The following PCDHGB1 variants were observed in gnomAD, a reference collection of about 807,000 sequenced individuals.
The protein encoded by PCDHGB1 is protocadherin gamma subfamily B, 1.
PCDHGB1 carries 34 observed loss-of-function variants against 56.6 expected under a neutral mutation model. That is an observed-to-expected ratio of 0.60 (90% CI 0.46 to 0.80). The LOEUF (loss-of-function observed/expected upper bound fraction) is 0.80. Ranked by LOEUF, PCDHGB1 falls within the 30% of genes least tolerant of loss-of-function variation. The pLI, the probability that PCDHGB1 is intolerant of heterozygous loss-of-function variation, is 0.00. For missense variants in PCDHGB1, 1,278 were observed against 1,204.6 expected, an observed-to-expected ratio of 1.06 and a Z score of -0.90; for synonymous variants, 561 against 505.9, an observed-to-expected ratio of 1.11 and a Z score of -1.46.
At chr5:141,469,700 T>TA (rs1483261429) in intron 1 of PCDHGB1, among the ~76,000 whole-genome samples, 1 of 152,272 alleles carries the variant, frequency 6.6e-6, no homozygotes, top group African/African-American at 2.4e-5. Context: ...TATGACCTAG[T>TA]AATCACACTA....
chr5:141,478,668 T>G (rs1411369994), intron 1 of PCDHGB1: 40 of 1,551,660 alleles, frequency 2.6e-5, no homozygotes, highest in Non-Finnish European at 3.4e-5. Flanking sequence ...CATTCACACT[T>G]TCAACTGGCC....
Position 141,432,465 on chromosome 5 carries a change from C to T in PCDHGB1, c.2410-62342C>T. 3 of 1,614,222 alleles carry T rather than the reference C, an allele frequency of 1.9e-6. No individual in the cohort carries two copies. The highest frequency in any genetic ancestry group is 2.5e-6 in the Non-Finnish European group (3 of 1,180,050). On this transcript the variant is annotated intron_variant, in intron 1 of 3. Transcript: ENST00000523390. This position sits in a 1 kb window ranked among gnomAD's most constrained non-coding sequence, Gnocchi z 6.0. The stretch of plus-strand genomic sequence containing the variant: ...GAGATCCTGTACCCCGCCCTCCCCA[C>T]GGACGGTTCCACTGGCGTGGAGCTG...
At chr5:141,403,895 T>G in intron 1 of PCDHGB1, 1 of 1,613,884 alleles carries the variant, frequency 6.2e-7, no homozygotes, top group Non-Finnish European at 8.5e-7. Context: ...ATGTTCATTT[T>G]ATGAAATGGA....
intron 1 of PCDHGB1, chr5:141,356,524 G>A: frequency 6.2e-7 from 1 of 1,614,098 alleles, no homozygotes; most frequent in South Asian, 1.1e-5. Flanking sequence ...TTCACTGCAA[G>A]TGATGGACAT....
chr5:141,494,926 G>T, intron 2 of PCDHGB1, 61 bp downstream of exon 2: 1 of 1,613,498 alleles, frequency 6.2e-7, no homozygotes, highest in Non-Finnish European at 8.5e-7. Flanking sequence ...GGATGACGTG[G>T]GAGGAGATGG....
chr5:141,454,618 C>T (rs1259161504), intron 1 of PCDHGB1, among the ~76,000 whole-genome samples: 1 of 151,470 alleles, frequency 6.6e-6, no homozygotes, highest in Non-Finnish European at 1.5e-5. Flanking sequence ...GTTGGTCAGG[C>T]TGGTCTCGAA....
intron 1 of PCDHGB1, chr5:141,383,187 C>T (rs572411306): frequency 6.2e-7 from 1 of 1,614,076 alleles, no homozygotes; most frequent in Non-Finnish European, 8.5e-7. Flanking sequence ...AAGAGATCTG[C>T]GCTCAGAGTG....
intron 1 of PCDHGB1, among the ~76,000 whole-genome samples, chr5:141,473,611 G>C (rs2099325261): frequency 6.6e-6 from 1 of 152,140 alleles, no homozygotes; most frequent in Non-Finnish European, 1.5e-5. Context: ...GCAAAGCAAA[G>C]GGAGGGAGGA....
Position 141,485,597 on chromosome 5 carries a change from A to G in PCDHGB1, c.2410-9210A>G. On this transcript the variant is annotated intron_variant, in intron 1 of 3. Coordinates refer to ENST00000523390, the MANE Select transcript of PCDHGB1 (RefSeq NM_018922.3). This position sits in a 1 kb window ranked among gnomAD's most constrained non-coding sequence, Gnocchi z 5.7. ...TCCGCGGCAGCAGCTGGACTTGGAA[A>G]TTGGGGAGGCAGCTCCTCCAGGACA... The G allele has an allele frequency of 6.2e-7, 1 of 1,612,468 alleles. No homozygotes were observed. The highest frequency in any genetic ancestry group is 8.5e-7 in the Non-Finnish European group (1 of 1,178,718).
chr5:141,374,078 C>T, intron 1 of PCDHGB1: 1 of 1,516,122 alleles, frequency 6.6e-7, no homozygotes, highest in Non-Finnish European at 8.8e-7. Flanking sequence ...TCCTAATAAG[C>T]CAGTAATGGC....
rs546603908 is a variant in PCDHGB1, at chr5:141,408,104, C to G, written c.2409+55435C>G. ...ACAGCGGATTGCCAGCTCCGAGACCCGGGACTCCTCCTGTCCTGGGCCGAA... is the reference window on the plus strand; with the variant it reads ...ACAGCGGATTGCCAGCTCCGAGACCGGGGACTCCTCCTGTCCTGGGCCGAA... On this transcript the variant is annotated intron_variant, in intron 1 of 3. Coordinates refer to ENST00000523390, the MANE Select transcript of PCDHGB1 (RefSeq NM_018922.3). The G allele has an allele frequency of 2.8e-3, 4,048 of 1,441,886 alleles. 13 individuals carry two copies. Among genetic ancestry groups the G allele is most frequent in the Admixed American group, 6.6e-3 (242 of 36,606 alleles). 89.3% of individuals were successfully genotyped at this position (1,441,886 alleles called of 1,614,324 possible). A position where few individuals can be genotyped will look rare whatever the true frequency, so the allele number is the denominator to read the frequency against.
intron 1 of PCDHGB1, chr5:141,365,756 G>C: frequency 6.2e-7 from 1 of 1,613,776 alleles, no homozygotes; most frequent in Non-Finnish European, 8.5e-7. Context: ...CTCTGTGACA[G>C]CCCATGACCC....
chr5:141,487,671 G>A lies in PCDHGB1; in HGVS notation c.2410-7136G>A. The A allele has an allele frequency of 6.2e-7, 1 of 1,612,012 alleles. No homozygotes were observed. The highest frequency in any genetic ancestry group is 8.5e-7 in the Non-Finnish European group (1 of 1,178,932). ...GAGGGTTATTCTGATCCAGGCATAT[G>A]GCTAGGCCATGTCCTAGAGAGTACT... On this transcript the variant is annotated intron_variant, in intron 1 of 3. Transcript: ENST00000523390. This position sits in a 1 kb window ranked among gnomAD's most constrained non-coding sequence, Gnocchi z 5.0.
intron 1 of PCDHGB1, chr5:141,385,218 C>G (rs765263628): frequency 6.2e-7 from 1 of 1,614,234 alleles, no homozygotes; most frequent in South Asian, 1.1e-5. Flanking sequence ...TCCCCCAGCC[C>G]AACTATGTAG....
intron 1 of PCDHGB1, among the ~76,000 whole-genome samples, chr5:141,397,773 T>C (rs2093568087): frequency 1.3e-5 from 2 of 152,218 alleles, no homozygotes; most frequent in African/African-American, 2.4e-5. Context: ...ATTAAGTATA[T>C]GGACGTAAAA....
chr5:141,398,189 T>G (rs926901002), intron 1 of PCDHGB1: 3 of 1,482,238 alleles, frequency 2.0e-6, no homozygotes, highest in Middle Eastern at 2.3e-4. Context: ...TTTCTCTTCC[T>G]GCTGTCTTTG....
intron 1 of PCDHGB1, chr5:141,362,184 C>G: frequency 1.2e-6 from 2 of 1,614,058 alleles, no homozygotes; most frequent in Non-Finnish European, 1.7e-6. Flanking sequence ...AGCCCTCTGA[C>G]CCCCAGGCAA....
intron 1 of PCDHGB1, chr5:141,442,535 A>C (rs2098331560): frequency 6.6e-6 from 1 of 152,240 alleles, no homozygotes; most frequent in Non-Finnish European, 1.5e-5. Flanking sequence ...CTCCAAGGTG[A>C]AAAATTCTTG....
intron 1 of PCDHGB1, chr5:141,399,064 A>G: frequency 1.2e-6 from 2 of 1,613,762 alleles, no homozygotes; most frequent in Non-Finnish European, 1.7e-6. Flanking sequence ...GGAATATTCA[A>G]TGGTTGTAGA....
Sources: gnomAD v4.1 joint callset for allele counts (sites outside exome capture counted in the v4.1 genomes callset) on GRCh38, gnomAD v4.1.1 for gene constraint, Gnocchi (gnomAD v3.1) non-coding constraint, MANE v1.5 for transcripts, NCBI Gene and HGNC (gene_info 2026-07-23, HGNC 2026-07-21) for gene names.